Variants in FGF10 observed in about 807,000 individuals in gnomAD.
The protein encoded by FGF10 is fibroblast growth factor 10.
FGF10 carries 2 observed loss-of-function variants against 19.8 expected under a neutral mutation model. That is an observed-to-expected ratio of 0.10 (90% confidence interval 0.04 to 0.32). The LOEUF (loss-of-function observed/expected upper bound fraction) is 0.32, where lower values mean the gene tolerates loss of function less well. Among genes scored for constraint, FGF10 ranks in the 10% least tolerant of loss-of-function variants. The probability of loss-of-function intolerance (pLI) is 1.00; values close to 1 mark genes in which losing one functional copy is unlikely to be tolerated. For synonymous variants in FGF10, 112 were observed against 94.0 expected (o/e 1.19, Z -1.10); for missense variants, 191 against 246.3 (o/e 0.78, Z 1.50).
chr5:44,339,142 C>T (rs1202574425), intron 1 of FGF10, among the ~76,000 whole-genome samples: 2 of 152,110 alleles, frequency 1.3e-5, no homozygotes, highest in East Asian at 1.9e-4. Flanking sequence ...TCTAATCTGT[C>T]TTTAAATAGA....
At position 44,301,824 on chromosome 5, in the gene FGF10, TCTGA is replaced by T. The variant is rs1470941858; in HGVS notation, c.*3167_*3170del. Among the ~76,000 whole-genome samples, 1 of 152,202 alleles carries T rather than the reference TCTGA, an allele frequency of 6.6e-6. No individual in the cohort carries two copies. The highest frequency in any genetic ancestry group is 6.5e-5 in the Admixed American group (1 of 15,272). ...TCTCTCTTTATTACCAGGTAGAGTT[TCTGA>T]CTAATAAAACAAACAAGGACAATAT... On this transcript the variant is annotated 3_prime_UTR_variant, in exon 3 of 3. Transcript: ENST00000264664.
intron 1 of FGF10, among the ~76,000 whole-genome samples, chr5:44,336,190 G>A (rs1740845561): frequency 6.6e-6 from 1 of 151,892 alleles, no homozygotes; most frequent in South Asian, 2.1e-4. Flanking sequence ...TTCTTTGTAA[G>A]TTTGATTCTC....
At chr5:44,388,082 C>A (rs961640288) in intron 1 of FGF10, among the ~76,000 whole-genome samples, 1 of 149,134 alleles carries the variant, frequency 6.7e-6, no homozygotes, top group Non-Finnish European at 1.5e-5. Context: ...CTTGAGCGCC[C>A]TGCGTGGTCC....
chr5:44,345,620 C>T (rs1741074363), intron 1 of FGF10, among the ~76,000 whole-genome samples: 1 of 126,850 alleles, frequency 7.9e-6, no homozygotes, highest in East Asian at 2.3e-4. Context: ...ACTGTTCATT[C>T]CCTTTCTCAG....
intron 1 of FGF10, among the ~76,000 whole-genome samples, chr5:44,362,328 C>A (rs541279427): frequency 1.3e-5 from 2 of 151,654 alleles, no homozygotes; most frequent in Admixed American, 6.6e-5. Context: ...GAATTGACAC[C>A]ATTCCTTTCC....
intron 1 of FGF10, among the ~76,000 whole-genome samples, chr5:44,373,178 C>T (rs1358354870): frequency 2.0e-5 from 3 of 152,136 alleles, no homozygotes; most frequent in African/African-American, 7.2e-5. Flanking sequence ...AGAGGGTTCT[C>T]TACAAATCTT....
intron 1 of FGF10, among the ~76,000 whole-genome samples, chr5:44,383,688 G>C (rs1742033115): frequency 6.6e-6 from 1 of 152,092 alleles, no homozygotes; most frequent in Non-Finnish European, 1.5e-5. Flanking sequence ...TAGGAATGCA[G>C]TAAAGGTAAC....
intron 1 of FGF10, among the ~76,000 whole-genome samples, chr5:44,319,142 G>A (rs1418924211): frequency 6.6e-6 from 1 of 152,224 alleles, no homozygotes; most frequent in East Asian, 1.9e-4. Flanking sequence ...GCCAGGCAAA[G>A]ATTTTATATC....
intron 1 of FGF10, among the ~76,000 whole-genome samples, chr5:44,339,820 A>C (rs912621966): frequency 6.6e-6 from 1 of 152,132 alleles, no homozygotes; most frequent in Admixed American, 6.6e-5. Context: ...ACTTCAGGCT[A>C]TATGCCCCCA....
At chr5:44,356,876 G>A (rs1741358373) in intron 1 of FGF10, among the ~76,000 whole-genome samples, 1 of 151,262 alleles carries the variant, frequency 6.6e-6, no homozygotes. Context: ...TTACCCAACT[G>A]CCATTCTGAA....
At chr5:44,376,518 C>CAAAAAAAAAAAAAAAAAAAAAAAA (rs1265124775) in intron 1 of FGF10, among the ~76,000 whole-genome samples, 2 of 72,692 alleles carry the variant, frequency 2.8e-5, no homozygotes, top group Non-Finnish European at 5.5e-5. Context: ...AAAAAAAAAA[C>CAAAAAAAAAAAAAAAAAAAAAAAA]AAAAAACCCA....
intron 1 of FGF10, among the ~76,000 whole-genome samples, chr5:44,361,562 TA>T (rs1471561470): frequency 1.3e-5 from 2 of 151,544 alleles, no homozygotes; most frequent in African/African-American, 4.8e-5. Context: ...GATCATCAAA[TA>T]AGAATTTGGA....
chr5:44,369,061 A>G (rs1741686240), intron 1 of FGF10, among the ~76,000 whole-genome samples: 6 of 152,134 alleles, frequency 3.9e-5, no homozygotes, highest in Admixed American at 3.9e-4. Flanking sequence ...TGAATCTGGT[A>G]TTATGTGTAT....
At chr5:44,339,586 G>T (rs1265882895) in intron 1 of FGF10, among the ~76,000 whole-genome samples, 1 of 152,122 alleles carries the variant, frequency 6.6e-6, no homozygotes, top group Non-Finnish European at 1.5e-5. Context: ...CTCTATTTGT[G>T]AAACAGTAAC....
In FGF10 at chr5:44,304,862, G is replaced by C; in HGVS notation, c.*133C>G. 1.2e-6 allele frequency: 1 copy of C among 851,520 alleles called. No homozygotes were observed. The highest frequency in any genetic ancestry group is 2.0e-6 in the Non-Finnish European group (1 of 506,716). The allele number at this position is 851,520 out of a possible 1,614,324, so 52.7% of individuals were successfully genotyped here. A position where few individuals can be genotyped will look rare whatever the true frequency, so the allele number is the denominator to read the frequency against. ...GCAGTGAATACAAAAACCTTCAAAG[G>C]CTGGCTTTCTTTTAAGCAAGCAGAC... On this transcript the variant is annotated 3_prime_UTR_variant, in exon 3 of 3. Transcript: ENST00000264664.
intron 2 of FGF10, among the ~76,000 whole-genome samples, chr5:44,309,364 T>A (rs1478992724): frequency 6.6e-6 from 1 of 152,204 alleles, no homozygotes. Context: ...ACTCCTGTCA[T>A]CATTCAAATG....
chr5:44,387,095 G>A (rs531861636), intron 1 of FGF10, among the ~76,000 whole-genome samples: 3 of 152,298 alleles, frequency 2.0e-5, no homozygotes, highest in African/African-American at 7.2e-5. Context: ...GGTCACTAAA[G>A]ATGTTTAAAC....
At chr5:44,328,166 A>G (rs756464028) in intron 1 of FGF10, among the ~76,000 whole-genome samples, 1 of 152,190 alleles carries the variant, frequency 6.6e-6, no homozygotes, top group Non-Finnish European at 1.5e-5. Context: ...TGCTCATTAG[A>G]ATCAACAGTT....
intron 1 of FGF10, among the ~76,000 whole-genome samples, chr5:44,323,616 G>A (rs76440546): frequency 0.013 from 2,022 of 152,148 alleles, 88 homozygotes; most frequent in East Asian, 0.12. Context: ...TGGATTGTTA[G>A]GTAAGATGTT....
Sources: gnomAD v4.1 joint callset for allele counts (sites outside exome capture counted in the v4.1 genomes callset) on GRCh38, gnomAD v4.1.1 for gene constraint, MANE v1.5 for transcripts, NCBI Gene and HGNC (gene_info 2026-07-23, HGNC 2026-07-21) for gene names.